Variants in FSD1L observed in about 807,000 individuals in gnomAD.
FSD1L encodes the protein FSD1-like protein.
FSD1L carries 45 observed loss-of-function variants against 71.6 expected under a neutral mutation model. The observed-to-expected ratio is 0.63, with a 90% CI of 0.49 to 0.81. The LOEUF is 0.81. Among genes scored for constraint, FSD1L ranks in the 30% least tolerant of loss-of-function variants. FSD1L has a pLI of 0.00. For synonymous variants in FSD1L, 197 were observed against 207.2 expected (o/e 0.95, Z 0.42); for missense variants, 561 against 618.1 (o/e 0.91, Z 0.98).
At chr9:105,445,672 T>C (rs1460373087), upstream of FSD1L, among the ~76,000 whole-genome samples, 1 of 152,164 alleles carries the variant, frequency 6.6e-6, no homozygotes, top group African/African-American at 2.4e-5. Flanking sequence ...GAGTAGACTT[T>C]AGATGTTCTC....
chr9:105,520,258 A>G, intron 10 of FSD1L: 1 of 1,599,430 alleles, frequency 6.3e-7, no homozygotes, highest in Middle Eastern at 2.3e-4. Flanking sequence ...CTGGCTGAAG[A>G]AGATGCATTC....
At position 105,547,875 on chromosome 9, in the gene FSD1L, A is replaced by G. The variant is rs1176616438; in HGVS notation, c.*1392A>G. ...GTTGACTTTTTTTCATTCTCATTTA[A>G]AATATATTGTGCTATGATAACCAAC... is the stretch of plus-strand genomic sequence containing the variant. On this transcript the variant is annotated 3_prime_UTR_variant, in exon 14 of 14. Coordinates refer to ENST00000481272, the MANE Select transcript of FSD1L (RefSeq NM_001145313.3). The G allele has an allele frequency of 6.6e-6, 1 of 151,878 alleles. No homozygotes were observed. The highest frequency in any genetic ancestry group is 1.9e-4 in the East Asian group (1 of 5,200). The allele number at this position is 151,878 out of a possible 1,614,324, so 9.4% of individuals were successfully genotyped here.
intron 5 of FSD1L, among the ~76,000 whole-genome samples, chr9:105,473,997 T>G (rs1455256494): frequency 1.3e-5 from 2 of 152,228 alleles, no homozygotes; most frequent in Non-Finnish European, 2.9e-5. Flanking sequence ...TAGTACTGTT[T>G]AGTAGCTTAA....
intron 13 of FSD1L, among the ~76,000 whole-genome samples, chr9:105,540,646 C>T (rs1366923226): frequency 6.6e-6 from 1 of 152,002 alleles, no homozygotes; most frequent in Non-Finnish European, 1.5e-5. Context: ...CCAGTTATTC[C>T]AGGACCATTT....
At chr9:105,490,898 G>C (rs1400810180) in intron 7 of FSD1L, among the ~76,000 whole-genome samples, 1 of 142,300 alleles carries the variant, frequency 7.0e-6, no homozygotes, top group Non-Finnish European at 1.5e-5. Context: ...ATGCTGTTTT[G>C]GTTACTGTAG....
chr9:105,484,339 C>T (rs1832397581), intron 6 of FSD1L, 42 bp from the exon 7 acceptor site: 3 of 1,374,806 alleles, frequency 2.2e-6, no homozygotes, highest in South Asian at 1.7e-5. Flanking sequence ...TTTGATACTT[C>T]CTATTTCTTT....
chr9:105,528,955 A>G (rs1371918782), intron 10 of FSD1L, among the ~76,000 whole-genome samples: 1 of 152,264 alleles, frequency 6.6e-6, no homozygotes, highest in East Asian at 1.9e-4. Context: ...ACCCCATCGA[A>G]AAGTGGGCAA....
chr9:105,461,676 T>C (rs1012754748), intron 2 of FSD1L, 61 bp downstream of exon 2: 1 of 983,588 alleles, frequency 1.0e-6, no homozygotes, highest in African/African-American at 1.6e-5. Context: ...AATTAGAGCA[T>C]TTAGATGTCT....
intron 6 of FSD1L, among the ~76,000 whole-genome samples, chr9:105,481,018 A>G (rs1037030144): frequency 2.0e-5 from 3 of 151,984 alleles, no homozygotes; most frequent in Admixed American, 1.3e-4. Flanking sequence ...ATTTAATTTC[A>G]TGACCAATTT....
intron 4 of FSD1L, among the ~76,000 whole-genome samples, chr9:105,469,262 A>C (rs1370528270): frequency 6.6e-6 from 1 of 152,090 alleles, no homozygotes; most frequent in East Asian, 1.9e-4. Context: ...TTCTGTTTTC[A>C]ATTGTTTTGG....
At chr9:105,520,780 C>T in intron 10 of FSD1L, 1 of 1,612,540 alleles carries the variant, frequency 6.2e-7, no homozygotes, top group Non-Finnish European at 8.5e-7. Context: ...CTCATTAATC[C>T]TCCACTCAAC....
At chr9:105,496,703 T>C (rs536902325) in intron 7 of FSD1L, among the ~76,000 whole-genome samples, 9 of 152,386 alleles carry the variant, frequency 5.9e-5, no homozygotes, top group African/African-American at 2.2e-4. Context: ...TCATTTCTGG[T>C]ATACAGGAAA....
At chr9:105,519,752 T>G (rs144165888) in intron 10 of FSD1L, among the ~76,000 whole-genome samples, 89 of 150,490 alleles carry the variant, frequency 5.9e-4, no homozygotes, top group Non-Finnish European at 9.3e-4. Flanking sequence ...AGGGAGAGAG[T>G]TGTGCTGCTG....
intron 13 of FSD1L, among the ~76,000 whole-genome samples, chr9:105,542,336 G>C (rs1836680510): frequency 6.6e-6 from 1 of 152,068 alleles, no homozygotes; most frequent in Non-Finnish European, 1.5e-5. Flanking sequence ...GTTTTTATTT[G>C]TAGTTTCCTA....
intron 10 of FSD1L, chr9:105,520,181 A>C (rs1835047159): frequency 3.7e-6 from 6 of 1,611,332 alleles, no homozygotes; most frequent in Non-Finnish European, 5.1e-6. Context: ...AGAAGGTGCT[A>C]GACACCAAGA....
chr9:105,465,378 G>A (rs1830989160), intron 3 of FSD1L, among the ~76,000 whole-genome samples: 1 of 152,156 alleles, frequency 6.6e-6, no homozygotes, highest in Non-Finnish European at 1.5e-5. Flanking sequence ...AAATCAAACA[G>A]GAGGGAGTAG....
chr9:105,473,469 A>G (rs1463808360), intron 5 of FSD1L: 1 of 152,236 alleles, frequency 6.6e-6, no homozygotes, highest in Admixed American at 6.5e-5. Context: ...AATGTCCTCT[A>G]TTCAAGATCA....
At chr9:105,530,012 T>A (rs1254157700) in intron 10 of FSD1L, among the ~76,000 whole-genome samples, 1 of 152,172 alleles carries the variant, frequency 6.6e-6, no homozygotes, top group Non-Finnish European at 1.5e-5. Context: ...ACTGGTATAT[T>A]TAGCTATATA....
At chr9:105,534,252 C>T (rs1268714101) in intron 10 of FSD1L, among the ~76,000 whole-genome samples, 4 of 151,884 alleles carry the variant, frequency 2.6e-5, no homozygotes, top group Admixed American at 2.6e-4. Context: ...TTGTATAAGC[C>T]TTGCTCAGTC....
Sources: gnomAD v4.1 joint callset for allele counts (sites outside exome capture counted in the v4.1 genomes callset) on GRCh38, gnomAD v4.1.1 for gene constraint, MANE v1.5 for transcripts, NCBI Gene and HGNC (gene_info 2026-07-23, HGNC 2026-07-21) for gene names.